CUX2: variants seen among roughly 807,000 people sequenced by gnomAD.
CUX2 encodes the protein cut like homeobox 2, also known as homeobox protein cut-like 2.
CUX2 carries 40 observed loss-of-function variants against 144.8 expected under a neutral mutation model. The ratio of observed to expected loss-of-function variants is 0.28; its 90% CI spans 0.21 to 0.36. The LOEUF (loss-of-function observed/expected upper bound fraction) is 0.36, where lower values mean the gene tolerates loss of function less well. Among genes scored for constraint, CUX2 ranks in the 10% least tolerant of loss-of-function variants. CUX2 has a pLI of 1.00. For synonymous variants in CUX2, 827 were observed against 875.6 expected (o/e 0.94, Z 0.98); for missense variants, 1,615 against 1,994.0 (o/e 0.81, Z 3.62).
chr12:111,262,088 C>T (rs1234032172), intron 3 of CUX2, among the ~76,000 whole-genome samples: 1 of 152,112 alleles, frequency 6.6e-6, no homozygotes, highest in Non-Finnish European at 1.5e-5. Context: ...TTACACACTC[C>T]CAAGGCCACC....
At chr12:111,204,607 G>A (rs1361671501) in intron 1 of CUX2, among the ~76,000 whole-genome samples, 22 of 152,150 alleles carry the variant, frequency 1.4e-4, no homozygotes, top group Admixed American at 1.4e-3. Flanking sequence ...GCACTTCCTC[G>A]CCGTGTGATG....
chr12:111,126,597 G>A (rs532554358), intron 1 of CUX2, among the ~76,000 whole-genome samples: 29 of 152,282 alleles, frequency 1.9e-4, no homozygotes, highest in South Asian at 6.2e-4. Flanking sequence ...TTTCTGTTCT[G>A]TTCAGGCTGT....
chr12:111,063,447 C>G (rs1193343413), intron 1 of CUX2, among the ~76,000 whole-genome samples: 1 of 152,090 alleles, frequency 6.6e-6, no homozygotes, highest in Non-Finnish European at 1.5e-5. Flanking sequence ...AGACGCTGTG[C>G]TAGAGCTCCA....
intron 1 of CUX2, among the ~76,000 whole-genome samples, chr12:111,195,030 A>G (rs73197959): frequency 0.039 from 5,921 of 152,266 alleles, 146 homozygotes; most frequent in South Asian, 0.088. Flanking sequence ...TCAAACTCCT[A>G]TCCCTTAAGC....
intron 20 of CUX2, among the ~76,000 whole-genome samples, chr12:111,340,827 G>T (rs992660062): frequency 6.6e-6 from 1 of 152,072 alleles, no homozygotes; most frequent in East Asian, 1.9e-4. Flanking sequence ...TTTTCCACAA[G>T]TTACTTCCTC....
chr12:111,338,338 T>A lies in CUX2; in HGVS notation c.3249T>A (p.Ser1083=). The change falls in exon 20 of 22, where the codon TCT becomes TCA. Residue 1083 remains serine (S), a synonymous_variant. Coordinates refer to ENST00000261726, the MANE Select transcript of CUX2 (RefSeq NM_015267.4). ...SILGLTQGSV[S]DLLSRPKPWH... ...TGGGTCTGACACAGGGCTCCGTGTC[T>A]GACCTGCTGTCCCGGCCCAAACCCT... The A allele has an allele frequency of 6.2e-7, 1 of 1,614,016 alleles. No homozygotes were observed. Among genetic ancestry groups the A allele is most frequent in the Non-Finnish European group, 8.5e-7 (1 of 1,179,970 alleles).
At chr12:111,319,801 A>G (rs1482376967) in intron 16 of CUX2, among the ~76,000 whole-genome samples, 1 of 152,238 alleles carries the variant, frequency 6.6e-6, no homozygotes, top group Non-Finnish European at 1.5e-5. Flanking sequence ...TTCTCTGCAT[A>G]TGCCAAAACC....
chr12:111,111,710 C>A (rs771630213), intron 1 of CUX2, among the ~76,000 whole-genome samples: 2 of 152,146 alleles, frequency 1.3e-5, no homozygotes, highest in Non-Finnish European at 2.9e-5. Context: ...TAAAGCACAC[C>A]ACACTCTGAG....
rs1450268669 is a variant in CUX2 at position 111,059,618 on chromosome 12, G to C, written c.63+25378G>C. Among the ~76,000 whole-genome samples, 1 of 152,140 alleles carries C rather than the reference G, an allele frequency of 6.6e-6. No individual in the cohort carries two copies. The highest frequency in any genetic ancestry group is 1.5e-5 in the Non-Finnish European group (1 of 68,028). ...TAGAGGTGGGGAGGTGGGAGATGAA[G>C]TGGGGGCAGGGTGGCAGGAGCCAGA... On this transcript the variant is annotated intron_variant, in intron 1 of 21. Coordinates refer to ENST00000261726, the MANE Select transcript of CUX2 (RefSeq NM_015267.4). This position sits in a 1 kb window ranked among gnomAD's most constrained non-coding sequence, Gnocchi z 5.3.
chr12:111,099,873 G>A, intron 1 of CUX2: 1 of 436,478 alleles, frequency 2.3e-6, no homozygotes, highest in Non-Finnish European at 4.6e-6. Context: ...GCTCAATCGA[G>A]AGCCAAAGAG....
intron 1 of CUX2, among the ~76,000 whole-genome samples, chr12:111,189,140 T>C (rs554981245): frequency 1.3e-5 from 2 of 152,178 alleles, no homozygotes; most frequent in African/African-American, 4.8e-5. Context: ...AGTGTGGTGG[T>C]GTGCGCCTGT....
intron 3 of CUX2, among the ~76,000 whole-genome samples, chr12:111,238,807 G>A (rs1407436982): frequency 6.6e-6 from 1 of 152,208 alleles, no homozygotes; most frequent in Non-Finnish European, 1.5e-5. Context: ...CACTTTGGGA[G>A]ACCGAGGCGG....
At chr12:111,108,826 C>T (rs1873767284) in intron 1 of CUX2, among the ~76,000 whole-genome samples, 1 of 151,982 alleles carries the variant, frequency 6.6e-6, no homozygotes, top group Admixed American at 6.6e-5. Flanking sequence ...AGCTTCTGTC[C>T]ATTGGGTTTG....
At chr12:111,107,140 G>C (rs1873660503) in intron 1 of CUX2, among the ~76,000 whole-genome samples, 1 of 152,194 alleles carries the variant, frequency 6.6e-6, no homozygotes. Flanking sequence ...TGAGGAAACT[G>C]AGGCTCTTTG....
intron 1 of CUX2, among the ~76,000 whole-genome samples, chr12:111,089,895 G>T (rs1872459212): frequency 6.6e-6 from 1 of 152,216 alleles, no homozygotes; most frequent in African/African-American, 2.4e-5. Flanking sequence ...CCTTTCAGGG[G>T]GCTCATGGGC....
chr12:111,335,054 C>A (rs1284276716), intron 19 of CUX2, among the ~76,000 whole-genome samples: 4 of 151,970 alleles, frequency 2.6e-5, no homozygotes, highest in Non-Finnish European at 2.9e-5. Flanking sequence ...ATGATCATGC[C>A]ACTGCATGCC....
chr12:111,111,188 G>T lies in CUX2; in HGVS notation c.63+76948G>T, dbSNP rs147055509. 6.9e-3 allele frequency among the ~76,000 whole-genome samples: 1,050 copies of T among 152,270 alleles called. 9 individuals are homozygous for T. The highest frequency in any genetic ancestry group is 0.012 in the Non-Finnish European group (792 of 68,022). On this transcript the variant is annotated intron_variant, in intron 1 of 21. Coordinates refer to ENST00000261726, the MANE Select transcript of CUX2 (RefSeq NM_015267.4). ...ATGGTGGCGTGCACCTGTAAACCCA[G>T]CTGCTCAGGAGGCTGAGGCAGGAGA...
At chr12:111,226,421 T>C (rs1555205587) in intron 3 of CUX2, among the ~76,000 whole-genome samples, 1 of 152,210 alleles carries the variant, frequency 6.6e-6, no homozygotes, top group Non-Finnish European at 1.5e-5. Context: ...CAAAGCATTA[T>C]TGAACCTGTC....
chr12:111,285,645 G>A (rs953409908), intron 4 of CUX2, among the ~76,000 whole-genome samples: 1 of 152,188 alleles, frequency 6.6e-6, no homozygotes, highest in Non-Finnish European at 1.5e-5. Flanking sequence ...CTGGATGGCA[G>A]CCCAGCCCTC....
Sources: gnomAD v4.1 joint callset for allele counts (sites outside exome capture counted in the v4.1 genomes callset) on GRCh38, gnomAD v4.1.1 for gene constraint, Gnocchi (gnomAD v3.1) non-coding constraint, MANE v1.5 for transcripts, NCBI Gene and HGNC (gene_info 2026-07-23, HGNC 2026-07-21) for gene names.